PDP1: variants seen among roughly 807,000 people sequenced by gnomAD.
PDP1 encodes the protein pyruvate dehydrogenase phosphatase catalytic subunit 1.
Under a neutral mutation model 37.1 loss-of-function variants are expected in PDP1, and 14 were observed. The observed-to-expected ratio is 0.38, with a 90% confidence interval of 0.25 to 0.59. The LOEUF (loss-of-function observed/expected upper bound fraction) is 0.59. Ranked by LOEUF, PDP1 falls within the 20% of genes least tolerant of loss-of-function variation. PDP1 has a pLI of 0.67. For synonymous variants in PDP1, 251 were observed against 243.3 expected (o/e 1.03, Z -0.29); for missense variants, 544 against 655.3 (o/e 0.83, Z 1.85).
At position 93,923,195 on chromosome 8, in the gene PDP1, A is replaced by G. The variant is rs1810337427; in HGVS notation, c.1136A>G (p.Asn379Ser). ...IESGPDQLND[N>S]EYTKFIPPNY... ...TCTGGCCCAGACCAGTTGAATGACA[A>G]TGAATATACCAAGTTTATTCCTCCT... is the stretch of plus-strand genomic sequence containing the variant. The change falls in exon 2 of 2, where the codon AAT (asparagine) becomes AGT (serine). Residue 379 changes from asparagine (N) to serine (S), a missense_variant. This residue lies in a region of PDP1 where 35 missense variants were observed against 36.1 expected (regional missense o/e 0.97). Coordinates refer to ENST00000297598, the MANE Select transcript of PDP1 (RefSeq NM_018444.4). This position sits in a 1 kb window ranked among gnomAD's most constrained non-coding sequence, Gnocchi z 4.3. 5 of 1,614,154 alleles carry G rather than the reference A, an allele frequency of 3.1e-6. No individual in the cohort carries two copies. Among genetic ancestry groups the G allele is most frequent in the Non-Finnish European group, 4.2e-6 (5 of 1,179,970 alleles).
At chr8:93,921,149 C>T (rs1428007915) in intron 1 of PDP1, 2 of 984,424 alleles carry the variant, frequency 2.0e-6, no homozygotes, top group Non-Finnish European at 2.4e-6. Context: ...TATTTAAAAA[C>T]CTCACTTCCA....
intron 1 of PDP1, chr8:93,920,054 T>G (rs1810220363): frequency 6.6e-6 from 1 of 152,248 alleles, no homozygotes; most frequent in Non-Finnish European, 1.5e-5. Context: ...CGGATTCTTA[T>G]TTCCAAAATT....
At position 93,922,748 on chromosome 8, in the gene PDP1, T is replaced by C. The variant is rs201467137; in HGVS notation, c.689T>C (p.Ile230Thr). Residue 230 changes from isoleucine (I) to threonine (T), a missense_variant, in exon 2 of 2, where the codon ATT (isoleucine) becomes ACT (threonine). Transcript: ENST00000297598. This position sits in a 1 kb window ranked among gnomAD's most constrained non-coding sequence, Gnocchi z 4.0. ...IDLNTGESTD[I>T]DVKEALINAF... ...CTCAACACTGGTGAGTCGACTGATATTGATGTTAAGGAGGCTCTAATTAAT... is the reference window on the plus strand; with the variant it reads ...CTCAACACTGGTGAGTCGACTGATACTGATGTTAAGGAGGCTCTAATTAAT... 23 of 1,614,130 alleles carry C rather than the reference T, an allele frequency of 1.4e-5. No homozygotes were observed. The highest frequency in any genetic ancestry group is 1.2e-4 in the Admixed American group (7 of 60,028).
In PDP1 at chr8:93,925,964, A is replaced by G. The variant is rs958195728; in HGVS notation, c.*2291A>G. On this transcript the variant is annotated 3_prime_UTR_variant, in exon 2 of 2. Coordinates refer to ENST00000297598, the MANE Select transcript of PDP1 (RefSeq NM_018444.4). Reference sequence around the variant, plus strand: ...TACAGAGTACCATATTGCTAAGAAAACTGTCTTATAAAAGATGTATATGTG... The same window carrying G: ...TACAGAGTACCATATTGCTAAGAAAGCTGTCTTATAAAAGATGTATATGTG... 1.2e-5 allele frequency: 2 copies of G among 166,866 alleles called. No individual in the cohort carries two copies. The highest frequency in any genetic ancestry group is 4.8e-5 in the African/African-American group (2 of 41,442). 10.3% of individuals were successfully genotyped at this position (166,866 alleles called of 1,614,324 possible).
chr8:93,922,986 G>T lies in PDP1; in HGVS notation c.927G>T (p.Thr309=), dbSNP rs758670020. The change falls in exon 2 of 2, where the codon ACG becomes ACT. Residue 309 remains threonine, a synonymous_variant. Coordinates refer to ENST00000297598, the MANE Select transcript of PDP1 (RefSeq NM_018444.4). This position sits in a 1 kb window ranked among gnomAD's most constrained non-coding sequence, Gnocchi z 4.0. The part of the protein sequence containing the change: ...QEEDGSWSAV[T]LSNDHNAQNE... ...AGGACGGCTCATGGTCAGCAGTCAC[G>T]CTGTCTAATGACCACAATGCTCAAA... The T allele has an allele frequency of 1.9e-6, 3 of 1,614,160 alleles. No individual in the cohort carries two copies. The highest frequency in any genetic ancestry group is 1.7e-6 in the Non-Finnish European group (2 of 1,180,032).
chr8:93,920,129 G>A lies in PDP1; in HGVS notation c.-44-1887G>A, dbSNP rs149198813. Among the ~76,000 whole-genome samples the A allele has an allele frequency of 4.5e-4, 68 of 152,278 alleles. No homozygotes were observed. In the Middle Eastern group the frequency reaches 0.014, roughly 30 times the overall value. On this transcript the variant is annotated intron_variant, in intron 1 of 1. Transcript: ENST00000297598. The stretch of plus-strand genomic sequence containing the variant: ...TCGTAAACAAATCCCTTCTTAGATA[G>A]TGCAGTTAAAATGATGGTACTTTCT...
At chr8:93,917,857 C>G (rs921085798) in intron 1 of PDP1, 1 of 1,613,638 alleles carries the variant, frequency 6.2e-7, no homozygotes, top group African/African-American at 1.3e-5. Context: ...GCTGCTGTCG[C>G]TGCTGCTGCC....
chr8:93,920,848 T>C (rs1488025905), intron 1 of PDP1: 1 of 704,738 alleles, frequency 1.4e-6, no homozygotes, highest in Non-Finnish European at 1.7e-6. Context: ...TGCATGTATA[T>C]ATTGGTAGAC....
intron 1 of PDP1, among the ~76,000 whole-genome samples, chr8:93,918,725 T>G (rs1810166399): frequency 6.6e-6 from 1 of 152,242 alleles, no homozygotes; most frequent in South Asian, 2.1e-4. Context: ...CCTTCTACAC[T>G]AATTTAACAA....
intron 1 of PDP1, among the ~76,000 whole-genome samples, chr8:93,919,483 C>A (rs935506314): frequency 4.9e-5 from 6 of 122,074 alleles, no homozygotes; most frequent in South Asian, 3.3e-4. Context: ...ATTCCTCCCC[C>A]CGCTGCCCTC....
In PDP1 at chr8:93,922,106, A is replaced by T. The variant is rs760929995; in HGVS notation, c.47A>T (p.Glu16Val). Residue 16 changes from glutamate (E) to valine (V), a missense_variant, in exon 2 of 2, where the codon GAA becomes GTA. Physicochemically the swap from Glu to Val is moderately radical, Grantham distance 121. Transcript: ENST00000297598. This position sits in a 1 kb window ranked among gnomAD's most constrained non-coding sequence, Gnocchi z 4.0. ...QLFFPLIRNC[E>V]LSRIYGTACY... is the part of the protein sequence containing the mutation. ...TTTTTTCCTCTCATCCGTAACTGTG[A>T]ACTGAGCAGGATCTATGGCACTGCA... 3.6e-5 allele frequency: 58 copies of T among 1,613,904 alleles called. No individual in the cohort carries two copies. The highest frequency in any genetic ancestry group is 4.7e-5 in the Non-Finnish European group (55 of 1,179,912).
chr8:93,924,929 A>G lies in PDP1; in HGVS notation c.*1256A>G, dbSNP rs957387645. On this transcript the variant is annotated 3_prime_UTR_variant, in exon 2 of 2. Coordinates refer to ENST00000297598, the MANE Select transcript of PDP1 (RefSeq NM_018444.4). The stretch of plus-strand genomic sequence containing the variant: ...CCCTTCTAATACTGTATCAATGTAA[A>G]TGAAATAAATATATTCAAATTGGCT... The G allele has an allele frequency of 6.0e-6, 1 of 167,068 alleles. No individual in the cohort carries two copies. The highest frequency in any genetic ancestry group is 1.5e-5 in the Non-Finnish European group (1 of 68,128). The allele number at this position is 167,068 out of a possible 1,614,324, so 10.3% of individuals were successfully genotyped here.
intron 1 of PDP1, chr8:93,920,544 A>G (rs764855973): frequency 3.2e-6 from 3 of 937,728 alleles, no homozygotes; most frequent in African/African-American, 1.8e-5. Context: ...TTCTTGCCCA[A>G]ATTATCTAGA....
chr8:93,920,662 T>C, intron 1 of PDP1: 1 of 939,746 alleles, frequency 1.1e-6, no homozygotes, highest in Non-Finnish European at 1.3e-6. Context: ...TTGCTGTACC[T>C]TTTCAATCCA....
At chr8:93,917,756 G>C in intron 1 of PDP1, 1 of 1,533,848 alleles carries the variant, frequency 6.5e-7, no homozygotes, top group Non-Finnish European at 8.8e-7. Flanking sequence ...CATTCACCGG[G>C]CTGGAGCGAG....
intron 1 of PDP1, among the ~76,000 whole-genome samples, chr8:93,918,148 A>G (rs924537552): frequency 1.6e-4 from 25 of 152,240 alleles, no homozygotes; most frequent in Non-Finnish European, 3.5e-4. Context: ...ACTAATCAAA[A>G]AAATACTGGC....
chr8:93,920,610 C>G (rs893370191), intron 1 of PDP1: 7 of 956,690 alleles, frequency 7.3e-6, no homozygotes, highest in Admixed American at 6.2e-5. Context: ...ATTTTCAGCG[C>G]ACATAGTGAG....
At chr8:93,917,770 T>C in intron 1 of PDP1, 1 of 1,470,032 alleles carries the variant, frequency 6.8e-7, no homozygotes, top group Non-Finnish European at 9.1e-7. Flanking sequence ...GAGCGAGACC[T>C]CGCCCCTCCT....
At chr8:93,918,100 T>C (rs1298039607) in intron 1 of PDP1, among the ~76,000 whole-genome samples, 2 of 152,174 alleles carry the variant, frequency 1.3e-5, no homozygotes, top group African/African-American at 2.4e-5. Context: ...AGCTTTGATG[T>C]CTTTGTGAGT....
Sources: allele counts gnomAD v4.1 joint callset (sites outside exome capture counted in the v4.1 genomes callset), GRCh38; gene constraint gnomAD v4.1.1; regional missense constraint gnomAD v4.1.1; non-coding constraint Gnocchi (gnomAD v3.1); transcripts MANE v1.5; gene names NCBI Gene and HGNC (gene_info 2026-07-23, HGNC 2026-07-21).